Variants in ADAMTSL1 observed in about 807,000 individuals in gnomAD.
ADAMTSL1 encodes the protein ADAMTS-like protein 1.
ADAMTSL1 carries 126 observed loss-of-function variants against 201.8 expected under a neutral mutation model. The observed-to-expected ratio is 0.62, with a 90% CI of 0.54 to 0.72. ADAMTSL1 has a LOEUF of 0.72. Among genes scored for constraint, ADAMTSL1 ranks in the 30% least tolerant of loss-of-function variants. The pLI is 0.00. For synonymous variants in ADAMTSL1, 1,121 were observed against 903.4 expected, an observed-to-expected ratio of 1.24 and a Z score of -4.32; for missense variants, 2,679 against 2,277.8, an observed-to-expected ratio of 1.18 and a Z score of -3.59.
chr9:18,093,538 C>T (rs1359111263), intron 1 of ADAMTSL1, among the ~76,000 whole-genome samples: 1 of 152,268 alleles, frequency 6.6e-6, no homozygotes, highest in Middle Eastern at 3.4e-3. Flanking sequence ...TATATTAGGA[C>T]TACCCTCATT....
chr9:18,095,966 A>G (rs568740819), intron 1 of ADAMTSL1, among the ~76,000 whole-genome samples: 3 of 152,294 alleles, frequency 2.0e-5, no homozygotes, highest in East Asian at 3.9e-4. Flanking sequence ...ATTCAGGACT[A>G]TGGATCTTTT....
chr9:17,974,011 AT>A lies in ADAMTSL1; in HGVS notation c.87+67093del, dbSNP rs540695542. Among the ~76,000 whole-genome samples, 240 of 151,970 alleles carry A rather than the reference AT, an allele frequency of 1.6e-3. 1 individual carries two copies. Among genetic ancestry groups the A allele is most frequent in the Admixed American group, 2.9e-3 (44 of 15,218 alleles). On this transcript the variant is annotated intron_variant, in intron 1 of 29. Transcript: ENST00000680146. ...GAATGCTTGTGATTTTTGCAAATTG[AT>A]TTTATATCCTGAGACTTCGACAAAA...
At chr9:18,622,812 C>G (rs933042701) in intron 5 of ADAMTSL1, among the ~76,000 whole-genome samples, 1 of 152,190 alleles carries the variant, frequency 6.6e-6, no homozygotes, top group Admixed American at 6.5e-5. Flanking sequence ...AGTACTAAAA[C>G]AAGTCCTTTC....
intron 2 of ADAMTSL1, among the ~76,000 whole-genome samples, chr9:18,175,230 G>T (rs1268428463): frequency 6.6e-6 from 1 of 152,100 alleles, no homozygotes; most frequent in African/African-American, 2.4e-5. Flanking sequence ...TGTTCTGGAT[G>T]ATCTTGAACC....
intron 19 of ADAMTSL1, among the ~76,000 whole-genome samples, chr9:18,783,152 G>A (rs959619167): frequency 3.3e-5 from 5 of 152,112 alleles, no homozygotes; most frequent in African/African-American, 9.7e-5. Flanking sequence ...ATCTTTACTG[G>A]GCATTAGATA....
Position 18,337,205 on chromosome 9 carries a change from C to T in ADAMTSL1, c.208-167624C>T, listed in dbSNP as rs1406749615. Among the ~76,000 whole-genome samples the T allele has an allele frequency of 4.6e-5, 7 of 152,160 alleles. No individual in the cohort carries two copies. In the East Asian group the frequency reaches 1.4e-3, roughly 29 times the overall value. On this transcript the variant is annotated intron_variant, in intron 2 of 29. Transcript: ENST00000680146. ...GAAGAACGTGGAAGGACCAGACTGG[C>T]TGAGTCTTCCAGCCTTCATCCTTCC...
At chr9:18,451,942 C>T (rs2131674196) in intron 2 of ADAMTSL1, among the ~76,000 whole-genome samples, 1 of 152,248 alleles carries the variant, frequency 6.6e-6, no homozygotes, top group African/African-American at 2.4e-5. Context: ...CCGAGTTTCG[C>T]TTTTGTTTCC....
intron 23 of ADAMTSL1, among the ~76,000 whole-genome samples, chr9:18,845,157 A>T (rs1826020626): frequency 6.6e-6 from 1 of 152,138 alleles, no homozygotes; most frequent in African/African-American, 2.4e-5. Context: ...TGTAGACCGG[A>T]GCTGTTCCTA....
chr9:18,169,602 G>T (rs1035087168), intron 2 of ADAMTSL1, among the ~76,000 whole-genome samples: 2 of 152,040 alleles, frequency 1.3e-5, no homozygotes, highest in Non-Finnish European at 2.9e-5. Context: ...TTGACTTGGC[G>T]ATGCGGGCTC....
chr9:18,527,929 A>G (rs200352109), intron 2 of ADAMTSL1, among the ~76,000 whole-genome samples: 2 of 152,092 alleles, frequency 1.3e-5, no homozygotes, highest in African/African-American at 4.8e-5. Flanking sequence ...CCAGGCTGGA[A>G]TGCAATGGTA....
At chr9:17,928,237 G>A (rs562180783) in intron 1 of ADAMTSL1, among the ~76,000 whole-genome samples, 1 of 151,992 alleles carries the variant, frequency 6.6e-6, no homozygotes, top group African/African-American at 2.4e-5. Flanking sequence ...TGCTTCAAGC[G>A]ATCTACCTGC....
intron 2 of ADAMTSL1, among the ~76,000 whole-genome samples, chr9:18,529,055 A>G (rs149937344): frequency 6.6e-5 from 10 of 152,342 alleles, no homozygotes; most frequent in African/African-American, 2.2e-4. Flanking sequence ...CCTTGGATGA[A>G]AAAATTCACA....
At chr9:18,780,475 ATGTATGTACTGC>A (rs750711678) in intron 19 of ADAMTSL1, among the ~76,000 whole-genome samples, 37 of 152,180 alleles carry the variant, frequency 2.4e-4, no homozygotes, top group Non-Finnish European at 4.7e-4. Flanking sequence ...GGCTAAACAG[ATGTATGTACTGC>A]TGGATTTTAT....
chr9:18,831,098 C>T (rs1824949393), intron 23 of ADAMTSL1, among the ~76,000 whole-genome samples: 1 of 152,168 alleles, frequency 6.6e-6, no homozygotes, highest in Non-Finnish European at 1.5e-5. Context: ...TTTTCGTTTT[C>T]ATCTGAAACT....
intron 3 of ADAMTSL1, among the ~76,000 whole-genome samples, chr9:18,570,098 C>G (rs917314517): frequency 6.6e-6 from 1 of 151,958 alleles, no homozygotes; most frequent in Non-Finnish European, 1.5e-5. Context: ...GTGACTCACA[C>G]CTGTAATTCC....
intron 2 of ADAMTSL1, among the ~76,000 whole-genome samples, chr9:18,331,172 G>T (rs1233128141): frequency 2.6e-5 from 4 of 152,182 alleles, no homozygotes; most frequent in Non-Finnish European, 2.9e-5. Context: ...AAGAAGGAAT[G>T]TGGCTCAATA....
chr9:18,780,502 A>T (rs189457462), intron 19 of ADAMTSL1, among the ~76,000 whole-genome samples: 1 of 152,230 alleles, frequency 6.6e-6, no homozygotes, highest in Admixed American at 6.5e-5. Context: ...TTTTATGTCT[A>T]TTTTTTTAAT....
chr9:17,940,544 C>G (rs1455463041), intron 1 of ADAMTSL1, among the ~76,000 whole-genome samples: 1 of 151,770 alleles, frequency 6.6e-6, no homozygotes, highest in Non-Finnish European at 1.5e-5. Flanking sequence ...TACTTGTTGA[C>G]CTGTTGAGTT....
At chr9:18,414,878 A>G (rs1216831744) in intron 2 of ADAMTSL1, among the ~76,000 whole-genome samples, 1 of 152,216 alleles carries the variant, frequency 6.6e-6, no homozygotes, top group East Asian at 1.9e-4. Context: ...AGGAATACCG[A>G]GCACTCCCAA....
Sources: gnomAD v4.1 joint callset for allele counts (sites outside exome capture counted in the v4.1 genomes callset) on GRCh38, gnomAD v4.1.1 for gene constraint, MANE v1.5 for transcripts, NCBI Gene and HGNC (gene_info 2026-07-23, HGNC 2026-07-21) for gene names.